BAD: variants seen among roughly 807,000 people sequenced by gnomAD.
The protein encoded by BAD is bcl2-associated agonist of cell death.
A neutral mutation model predicts 17.8 loss-of-function variants in BAD; 18 were observed. The ratio of observed to expected loss-of-function variants is 1.01; its 90% CI spans 0.70 to 1.50. BAD has a LOEUF of 1.50. Among genes scored for constraint, BAD ranks in the 40% most tolerant of loss-of-function variants. The pLI is 0.00. For synonymous variants in BAD, 112 were observed against 91.5 expected (o/e 1.22, Z -1.28); for missense variants, 294 against 239.3 (o/e 1.23, Z -1.51).
chr11:64,276,768 C>G (rs2033096842), intron 2 of BAD: 1 of 602,900 alleles, frequency 1.7e-6, no homozygotes, highest in Non-Finnish European at 3.0e-6. Flanking sequence ...GGGTGTGGCT[C>G]CTCCTTGGGT....
Position 64,270,072 on chromosome 11 carries a change from C to A in BAD, c.*137G>T. 2.8e-6 allele frequency: 4 copies of A among 1,438,440 alleles called. No individual in the cohort carries two copies. The highest frequency in any genetic ancestry group is 3.8e-6 in the Non-Finnish European group (4 of 1,051,030). 89.1% of individuals were successfully genotyped at this position (1,438,440 alleles called of 1,614,324 possible). A position where few individuals can be genotyped will look rare whatever the true frequency, so the allele number is the denominator to read the frequency against. ...GGCTTCACACGCACCGGAAGGGAAT[C>A]TGGGTCAGCCCTCCCTCCAAAGGAG... is the stretch of plus-strand genomic sequence containing the variant. On this transcript the variant is annotated 3_prime_UTR_variant, in exon 4 of 4. Coordinates refer to ENST00000309032, the MANE Select transcript of BAD (RefSeq NM_032989.3).
At chr11:64,275,608 C>T (rs1336699919) in intron 2 of BAD, 1 of 152,160 alleles carries the variant, frequency 6.6e-6, no homozygotes, top group Admixed American at 6.5e-5. Context: ...GAAACAGAGG[C>T]AGAGGTTAAG....
At chr11:64,283,753 G>A (rs1376603259) in intron 2 of BAD, among the ~76,000 whole-genome samples, 1 of 152,166 alleles carries the variant, frequency 6.6e-6, no homozygotes, top group Non-Finnish European at 1.5e-5. Context: ...ATCACTGCCT[G>A]CCTGTCACTG....
Position 64,274,992 on chromosome 11 carries a change from CAAAA to C in BAD, c.188-3193_188-3190del, listed in dbSNP as rs34418386. Among the ~76,000 whole-genome samples the C allele has an allele frequency of 6.1e-4, 33 of 54,392 alleles. 1 individual carries two copies. In the South Asian group the frequency reaches 0.024, roughly 40 times the overall value. The allele number at this position is 54,392 out of a possible 152,430, so 35.7% of individuals were successfully genotyped here. ...TGGGAGACAGAGTGAGACTTTGTCT[CAAAA>C]AAAAAAAAAAAAAAAAAAAGCGAGT... On this transcript the variant is annotated intron_variant, in intron 2 of 3. Transcript: ENST00000309032.
At chr11:64,280,121 T>TC (rs529314639) in intron 2 of BAD, among the ~76,000 whole-genome samples, 1,668 of 151,350 alleles carry the variant, frequency 0.011, 19 homozygotes, top group Non-Finnish European at 0.018. Flanking sequence ...ATCGAGACCA[T>TC]CCTGGCTAAC....
chr11:64,276,647 G>T, intron 2 of BAD: 1 of 433,168 alleles, frequency 2.3e-6, no homozygotes, highest in Non-Finnish European at 4.1e-6. Context: ...TTTTTAAAAA[G>T]TGTTCTATTT....
intron 2 of BAD, among the ~76,000 whole-genome samples, chr11:64,282,965 G>A (rs2033586521): frequency 6.7e-6 from 1 of 149,616 alleles, no homozygotes; most frequent in Admixed American, 6.6e-5. Context: ...TACGTGGGAG[G>A]ATCACTTAAG....
intron 2 of BAD, among the ~76,000 whole-genome samples, chr11:64,280,508 C>T (rs1330730219): frequency 2.0e-5 from 3 of 148,068 alleles, no homozygotes; most frequent in Non-Finnish European, 1.5e-5. Context: ...CCCACCACCA[C>T]GCCCGGCTAA....
rs769943605 is a variant in BAD at position 64,284,199 on chromosome 11, C to G, written c.170G>C (p.Ser57Thr). ...DASHQQEQPT[S>T]SSHHGGAGAV... is the part of the protein sequence containing the mutation. The stretch of plus-strand genomic sequence containing the variant: ...GTACTTACCTCCATGATGGCTGCTG[C>G]TGGTTGGCTGCTCCTGCTGGTGACT... Residue 57 changes from serine (S) to threonine (T), a missense_variant, in exon 2 of 4, where the codon AGC becomes ACC. Transcript: ENST00000309032. 6 of 1,600,618 alleles carry G rather than the reference C, an allele frequency of 3.7e-6. No individual in the cohort carries two copies. The highest frequency in any genetic ancestry group is 5.1e-6 in the Non-Finnish European group (6 of 1,173,204).
Position 64,271,473 on chromosome 11 carries a change from G to A in BAD, c.378+140C>T, listed in dbSNP as rs565972133. On this transcript the variant is annotated intron_variant, in intron 3 of 3. Coordinates refer to ENST00000309032, the MANE Select transcript of BAD (RefSeq NM_032989.3). ...GTGACTACAAATCCCAGAATGCTCT[G>A]GAGCTAGGAAGGAACAGGACGGCTT... 1.0e-3 allele frequency: 893 copies of A among 870,992 alleles called. 3 individuals are homozygous for A. The highest frequency in any genetic ancestry group is 1.5e-3 in the Middle Eastern group (4 of 2,664). The allele number at this position is 870,992 out of a possible 1,614,324, so 54.0% of individuals were successfully genotyped here.
At chr11:64,284,443 G>T in intron 1 of BAD, 67 bp from the exon 2 acceptor site, 1 of 1,603,820 alleles carries the variant, frequency 6.2e-7, no homozygotes. Flanking sequence ...GAAGGCAGAG[G>T]CAGGTACCCC....
In BAD at chr11:64,273,855, CAAAAA is replaced by C. The variant is rs34577596; in HGVS notation, c.188-2057_188-2053del. Reference sequence around the variant, plus strand: ...CAAGATCACGCCACTGCACCCATCTCAAAAAAAAAAAAAAAAAAAAAAAAAGAGAG... The same window carrying C: ...CAAGATCACGCCACTGCACCCATCTCAAAAAAAAAAAAAAAAAAAAGAGAG... On this transcript the variant is annotated intron_variant, in intron 2 of 3. Coordinates refer to ENST00000309032, the MANE Select transcript of BAD (RefSeq NM_032989.3). 1.8e-4 allele frequency among the ~76,000 whole-genome samples: 10 copies of C among 54,836 alleles called. No individual in the cohort carries two copies. In the East Asian group the frequency reaches 5.3e-3, roughly 29 times the overall value. 36.0% of individuals were successfully genotyped at this position (54,836 alleles called of 152,430 possible).
intron 2 of BAD, among the ~76,000 whole-genome samples, chr11:64,273,879 A>G (rs1049436640): frequency 6.6e-6 from 1 of 151,006 alleles, no homozygotes; most frequent in South Asian, 2.1e-4. Flanking sequence ...AAAAAAAAAA[A>G]AGAGAGGCAG....
Position 64,271,660 on chromosome 11 carries a change from C to T in BAD, c.331G>A (p.Gly111Ser), listed in dbSNP as rs763267746. The T allele has an allele frequency of 4.6e-6, 7 of 1,510,026 alleles. No individual in the cohort carries two copies. The highest frequency in any genetic ancestry group is 6.2e-6 in the Non-Finnish European group (7 of 1,128,410). 93.5% of individuals were successfully genotyped at this position (1,510,026 alleles called of 1,614,324 possible). ...TCACTCATCCTCCGGAGCTCGCGGC[C>T]ATAGCGCTGTGCTGCCCAGAGGTTG... ...PPNLWAAQRYGRELRRMSDEF... is the reference protein window; with the variant it reads ...PPNLWAAQRYSRELRRMSDEF... The change falls in exon 3 of 4, where the codon GGC becomes AGC. Residue 111 changes from glycine to serine, a missense_variant. By Grantham distance (56) the Gly-to-Ser change is moderately conservative. Transcript: ENST00000309032.
intron 2 of BAD, 70 bp from the exon 3 acceptor site, chr11:64,271,873 C>T: frequency 8.0e-7 from 1 of 1,243,030 alleles, no homozygotes; most frequent in Non-Finnish European, 1.0e-6. Context: ...CCTGCCTGAA[C>T]CCTCCCCATC....
At chr11:64,279,160 G>C (rs2033261421) in intron 2 of BAD, among the ~76,000 whole-genome samples, 1 of 152,008 alleles carries the variant, frequency 6.6e-6, no homozygotes, top group South Asian at 2.1e-4. Flanking sequence ...TCTCCCCTCA[G>C]ACTCATTCCC....
chr11:64,280,135 G>T (rs1207030702), intron 2 of BAD, among the ~76,000 whole-genome samples: 2 of 151,430 alleles, frequency 1.3e-5, no homozygotes, highest in Non-Finnish European at 2.9e-5. Context: ...GGCTAACATG[G>T]TGAAACCCCA....
At position 64,275,037 on chromosome 11, in the gene BAD, C is replaced by T. The variant is rs183294259; in HGVS notation, c.188-3234G>A. 4.7e-4 allele frequency among the ~76,000 whole-genome samples: 66 copies of T among 139,886 alleles called. No homozygotes were observed. In the East Asian group the frequency reaches 0.012, roughly 26 times the overall value. The allele number at this position is 139,886 out of a possible 152,430, so 91.8% of individuals were successfully genotyped here. ...AAAAGCGAGTAAGGGAACGAGAGGACGGAATCCGGAAAGGCCTAGGGTAAG... is the reference window on the plus strand; with the variant it reads ...AAAAGCGAGTAAGGGAACGAGAGGATGGAATCCGGAAAGGCCTAGGGTAAG... On this transcript the variant is annotated intron_variant, in intron 2 of 3. Coordinates refer to ENST00000309032, the MANE Select transcript of BAD (RefSeq NM_032989.3).
rs1232648588 is a variant in BAD at position 64,270,046 on chromosome 11, TG to T, written c.*162del. The T allele has an allele frequency of 2.3e-6, 3 of 1,302,958 alleles. No homozygotes were observed. The highest frequency in any genetic ancestry group is 3.0e-5 in the African/African-American group (2 of 67,638). The allele number at this position is 1,302,958 out of a possible 1,614,324, so 80.7% of individuals were successfully genotyped here. On this transcript the variant is annotated 3_prime_UTR_variant, in exon 4 of 4. Coordinates refer to ENST00000309032, the MANE Select transcript of BAD (RefSeq NM_032989.3). ...ACTTCCGATGGGACCAAGCCTTCCG[TG>T]GCTTCACACGCACCGGAAGGGAATC... is the stretch of plus-strand genomic sequence containing the variant.
Sources: allele counts gnomAD v4.1 joint callset (sites outside exome capture counted in the v4.1 genomes callset), GRCh38; gene constraint gnomAD v4.1.1; transcripts MANE v1.5; gene names NCBI Gene and HGNC (gene_info 2026-07-23, HGNC 2026-07-21).